NRIP1: variants seen among roughly 807,000 people sequenced by gnomAD.
NRIP1 encodes nuclear receptor-interacting protein 1.
NRIP1 carries 28 observed loss-of-function variants against 75.0 expected under a neutral mutation model. The observed-to-expected ratio is 0.37, with a 90% confidence interval of 0.28 to 0.51. The LOEUF is 0.51. Ranked by LOEUF, NRIP1 falls within the 20% of genes least tolerant of loss-of-function variation. NRIP1 has a pLI of 0.92. For synonymous variants in NRIP1, 526 were observed against 487.6 expected, an observed-to-expected ratio of 1.08 and a Z score of -1.04; for missense variants, 1,435 against 1,343.7, an observed-to-expected ratio of 1.07 and a Z score of -1.06.
chr21:15,023,367 T>C (rs988938811), intron 2 of NRIP1, among the ~76,000 whole-genome samples: 12 of 152,212 alleles, frequency 7.9e-5, no homozygotes, highest in African/African-American at 2.7e-4. Context: ...TTTGTTAATA[T>C]TCAATTAATT....
chr21:15,034,678 G>A (rs2088792647), intron 2 of NRIP1, among the ~76,000 whole-genome samples: 2 of 152,114 alleles, frequency 1.3e-5, no homozygotes, highest in Non-Finnish European at 2.9e-5. Flanking sequence ...GAGGAGAGCT[G>A]GAGGAAGTGG....
intron 3 of NRIP1, among the ~76,000 whole-genome samples, chr21:14,968,781 T>C (rs2086829837): frequency 6.6e-6 from 1 of 152,208 alleles, no homozygotes; most frequent in South Asian, 2.1e-4. Context: ...GAACATACTT[T>C]AATGTTACAT....
At chr21:15,001,278 T>A (rs1340114471) in intron 3 of NRIP1, among the ~76,000 whole-genome samples, 1 of 152,136 alleles carries the variant, frequency 6.6e-6, no homozygotes, top group Non-Finnish European at 1.5e-5. Context: ...AGGATCAGGA[T>A]GGGGACAGAA....
Position 14,963,008 on chromosome 21 carries a change from A to C in NRIP1, c.*1708T>G, listed in dbSNP as rs2086630534. On this transcript the variant is annotated 3_prime_UTR_variant, in exon 4 of 4. Transcript: ENST00000318948. ...TGTGGATTGTACAAACTGAACATAAAAACAGACCTGTTTCGCAACTGAAAC... is the reference window on the plus strand; with the variant it reads ...TGTGGATTGTACAAACTGAACATAACAACAGACCTGTTTCGCAACTGAAAC... 2 of 152,394 alleles carry C rather than the reference A, an allele frequency of 1.3e-5. No homozygotes were observed. Among genetic ancestry groups the C allele is most frequent in the Admixed American group, 1.3e-4 (2 of 15,256 alleles). 9.4% of individuals were successfully genotyped at this position (152,394 alleles called of 1,614,324 possible).
intron 1 of NRIP1, among the ~76,000 whole-genome samples, chr21:15,055,824 C>T (rs112598206): frequency 9.6e-4 from 146 of 152,154 alleles, no homozygotes; most frequent in African/African-American, 3.5e-3. Context: ...TTTCTTCCTC[C>T]GTAAAATGCA....
At chr21:15,058,464 GATT>G (rs569513161) in intron 1 of NRIP1, among the ~76,000 whole-genome samples, 15 of 151,646 alleles carry the variant, frequency 9.9e-5, no homozygotes, top group South Asian at 2.1e-4. Flanking sequence ...CTCTATTATA[GATT>G]ATTATAATAT....
chr21:14,989,669 T>C (rs778368095), intron 3 of NRIP1, among the ~76,000 whole-genome samples: 1 of 152,194 alleles, frequency 6.6e-6, no homozygotes, highest in Non-Finnish European at 1.5e-5. Context: ...ATTTGCTTTA[T>C]CATGTTCCCT....
intron 1 of NRIP1, among the ~76,000 whole-genome samples, chr21:15,058,872 G>A (rs2089361969): frequency 6.6e-6 from 1 of 152,124 alleles, no homozygotes; most frequent in Non-Finnish European, 1.5e-5. Context: ...AGTATCTAAA[G>A]CAAATCACCA....
chr21:15,023,398 T>A (rs1410743754), intron 2 of NRIP1, among the ~76,000 whole-genome samples: 1 of 152,130 alleles, frequency 6.6e-6, no homozygotes, highest in African/African-American at 2.4e-5. Flanking sequence ...ATTAGAATAC[T>A]TTTTTTAAAT....
Position 14,965,764 on chromosome 21 carries a change from T to A in NRIP1, c.2429A>T (p.Asp810Val). 6.2e-7 allele frequency: 1 copy of A among 1,613,990 alleles called. No homozygotes were observed. Among genetic ancestry groups the A allele is most frequent in the Non-Finnish European group, 8.5e-7 (1 of 1,179,968 alleles). The change falls in exon 4 of 4, where the codon GAT becomes GTT. Residue 810 changes from aspartate (D) to valine (V), a missense_variant. Asp to Val is a radical substitution (Grantham distance 152). Transcript: ENST00000318948. Reference protein sequence around the residue: ...DFKSEPVSPQDFSFSKNGLLS... With the variant: ...DFKSEPVSPQVFSFSKNGLLS... ...CAGACCATTCTTGGAGAAAGAAAAA[T>A]CCTGAGGTGAAACAGGCTCCGATTT...
intron 1 of NRIP1, among the ~76,000 whole-genome samples, chr21:15,062,532 T>C (rs1218640990): frequency 3.9e-5 from 6 of 152,246 alleles, no homozygotes; most frequent in Non-Finnish European, 7.3e-5. Flanking sequence ...TGAATTAACA[T>C]CTTTTGGAGA....
chr21:15,010,083 A>G (rs2088066909), intron 3 of NRIP1, among the ~76,000 whole-genome samples: 1 of 152,204 alleles, frequency 6.6e-6, no homozygotes, highest in Admixed American at 6.5e-5. Flanking sequence ...AAATGCAAAA[A>G]GGAAGCAAGC....
Position 14,967,740 on chromosome 21 carries a change from T to C in NRIP1, c.453A>G (p.Gln151=), listed in dbSNP as rs371021775. ...GCTCCTTGAGGCTCTGCCTGATTTG[T>C]TGTGACAGAGCAACAGTCTGCAGCC... is the stretch of plus-strand genomic sequence containing the variant. ...SSRLQTVALS[Q]QIRQSLKEQG... is the part of the protein sequence containing the mutation. The change falls in exon 4 of 4, where the codon CAA becomes CAG. Residue 151 remains glutamine (Q), a synonymous_variant. Coordinates refer to ENST00000318948, the MANE Select transcript of NRIP1 (RefSeq NM_003489.4). 6.1e-5 allele frequency: 98 copies of C among 1,614,184 alleles called. 4 individuals are homozygous for C. The African/African-American group carries it at 6.4e-4, about 11-fold the overall frequency.
chr21:14,965,237 A>C lies in NRIP1; in HGVS notation c.2956T>G (p.Tyr986Asp). Reference sequence around the variant, plus strand: ...CAACTGCTGGGCTGAGTGGAACTGTACATCAGTCCATTTAAAGAAGAAATG... The same window carrying C: ...CAACTGCTGGGCTGAGTGGAACTGTCCATCAGTCCATTTAAAGAAGAAATG... ...FSISSLNGLMYSSTQPSSCMD... is the reference protein window; with the variant it reads ...FSISSLNGLMDSSTQPSSCMD... The change falls in exon 4 of 4, where the codon TAC (tyrosine) becomes GAC (aspartate). Residue 986 changes from tyrosine (Y) to aspartate (D), a missense_variant. Coordinates refer to ENST00000318948, the MANE Select transcript of NRIP1 (RefSeq NM_003489.4). 1.9e-6 allele frequency: 3 copies of C among 1,613,988 alleles called. No homozygotes were observed. Among genetic ancestry groups the C allele is most frequent in the South Asian group, 1.1e-5 (1 of 91,080 alleles).
chr21:15,055,315 CTT>C (rs1568736159), intron 1 of NRIP1, among the ~76,000 whole-genome samples: 1 of 152,192 alleles, frequency 6.6e-6, no homozygotes, highest in African/African-American at 2.4e-5. Context: ...ATCTGGCTCT[CTT>C]TGTCTGCAAA....
chr21:14,961,524 G>GA lies in NRIP1; in HGVS notation c.*3191dup, dbSNP rs2086590298. ...TTTGCAATGGGATTAAAAAATTCAT[G>GA]AAAGTAGTTGTGTGAATTCTTTATG... On this transcript the variant is annotated 3_prime_UTR_variant, in exon 4 of 4. Transcript: ENST00000318948. 6.6e-6 allele frequency: 1 copy of GA among 152,348 alleles called. No homozygotes were observed. Among genetic ancestry groups the GA allele is most frequent in the Non-Finnish European group, 1.5e-5 (1 of 67,874 alleles). The allele number at this position is 152,348 out of a possible 1,614,324, so 9.4% of individuals were successfully genotyped here. A position where few individuals can be genotyped will look rare whatever the true frequency, so the allele number is the denominator to read the frequency against.
At chr21:15,064,224 G>A (rs1293915937) in intron 1 of NRIP1, among the ~76,000 whole-genome samples, 2 of 152,376 alleles carry the variant, frequency 1.3e-5, no homozygotes, top group Admixed American at 6.5e-5. Flanking sequence ...TGCGGGCAGA[G>A]CGGCCCGGGG....
chr21:15,002,696 A>G (rs905016489), intron 3 of NRIP1, among the ~76,000 whole-genome samples: 1 of 152,242 alleles, frequency 6.6e-6, no homozygotes, highest in African/African-American at 2.4e-5. Context: ...TCAACTGTTA[A>G]CCATTTTTAA....
intron 3 of NRIP1, among the ~76,000 whole-genome samples, chr21:15,007,436 A>G (rs1378437997): frequency 6.6e-6 from 1 of 152,240 alleles, no homozygotes; most frequent in African/African-American, 2.4e-5. Context: ...TCAAAGATAA[A>G]AACGATAAAA....
Sources: gnomAD v4.1 joint callset for allele counts (sites outside exome capture counted in the v4.1 genomes callset) on GRCh38, gnomAD v4.1.1 for gene constraint, MANE v1.5 for transcripts, NCBI Gene and HGNC (gene_info 2026-07-23, HGNC 2026-07-21) for gene names.